SLC4A10: variants seen among roughly 807,000 people sequenced by gnomAD.
SLC4A10 encodes sodium-driven chloride bicarbonate exchanger.
A neutral mutation model predicts 137.7 loss-of-function variants in SLC4A10; 42 were observed. The ratio of observed to expected loss-of-function variants is 0.30; its 90% CI spans 0.24 to 0.39. The LOEUF (loss-of-function observed/expected upper bound fraction) is 0.39. Among genes scored for constraint, SLC4A10 ranks in the 10% least tolerant of loss-of-function variants. The probability of loss-of-function intolerance (pLI) is 1.00; values close to 1 mark genes in which losing one functional copy is unlikely to be tolerated. For missense variants in SLC4A10, 925 were observed against 1,355.0 expected (o/e 0.68, Z 4.98); for synonymous variants, 474 against 464.1 (o/e 1.02, Z -0.27).
At chr2:161,632,135 T>A (rs980077143) in intron 1 of SLC4A10, among the ~76,000 whole-genome samples, 20 of 151,756 alleles carry the variant, frequency 1.3e-4, no homozygotes, top group Admixed American at 1.3e-4. Context: ...TTCTTTCTAG[T>A]GTCTTTTTTC....
intron 26 of SLC4A10, among the ~76,000 whole-genome samples, chr2:161,982,311 C>T (rs1189720231): frequency 1.3e-5 from 2 of 152,054 alleles, no homozygotes; most frequent in Non-Finnish European, 2.9e-5. Context: ...CATTTCTGCC[C>T]TCTCTGGAAC....
chr2:161,643,613 G>A (rs904256741), intron 1 of SLC4A10, among the ~76,000 whole-genome samples: 1 of 152,008 alleles, frequency 6.6e-6, no homozygotes, highest in African/African-American at 2.4e-5. Flanking sequence ...CAGTTTAAAC[G>A]TTTATCAGGT....
intron 1 of SLC4A10, among the ~76,000 whole-genome samples, chr2:161,682,058 G>T (rs1251463944): frequency 6.6e-6 from 1 of 152,018 alleles, no homozygotes; most frequent in Non-Finnish European, 1.5e-5. Context: ...ACTTTAATAT[G>T]TAACTCATCC....
At chr2:161,807,567 C>T (rs530539922) in intron 3 of SLC4A10, among the ~76,000 whole-genome samples, 1 of 152,232 alleles carries the variant, frequency 6.6e-6, no homozygotes, top group South Asian at 2.1e-4. Flanking sequence ...TTCTTCTATC[C>T]ATAAGTTTGT....
intron 1 of SLC4A10, among the ~76,000 whole-genome samples, chr2:161,656,683 T>A (rs991631658): frequency 6.6e-6 from 1 of 152,224 alleles, no homozygotes; most frequent in Admixed American, 6.5e-5. Flanking sequence ...CGTGCCTGAG[T>A]CACCAGCTGA....
At chr2:161,878,318 A>C (rs2125952749) in intron 8 of SLC4A10, among the ~76,000 whole-genome samples, 1 of 152,286 alleles carries the variant, frequency 6.6e-6, no homozygotes, top group Middle Eastern at 3.4e-3. Flanking sequence ...ATCTTGTACA[A>C]TTTACATTAA....
intron 15 of SLC4A10, among the ~76,000 whole-genome samples, chr2:161,938,438 A>G (rs1010754473): frequency 3.9e-5 from 6 of 152,008 alleles, no homozygotes; most frequent in Non-Finnish European, 8.8e-5. Context: ...GATTCATTAC[A>G]TGCAAAATCA....
intron 15 of SLC4A10, among the ~76,000 whole-genome samples, chr2:161,924,199 T>C (rs1337393004): frequency 6.6e-6 from 1 of 152,184 alleles, no homozygotes; most frequent in African/African-American, 2.4e-5. Context: ...CTTTAACTTT[T>C]TGTAGTTTTA....
chr2:161,855,361 T>C (rs1341514271), intron 5 of SLC4A10, among the ~76,000 whole-genome samples: 1 of 152,124 alleles, frequency 6.6e-6, no homozygotes, highest in Non-Finnish European at 1.5e-5. Context: ...AACCTAGATA[T>C]CTTGATTCCC....
At chr2:161,857,885 T>C (rs952265344) in intron 5 of SLC4A10, among the ~76,000 whole-genome samples, 2 of 152,174 alleles carry the variant, frequency 1.3e-5, no homozygotes, top group African/African-American at 4.8e-5. Flanking sequence ...TAACCTATAA[T>C]CATAATATTT....
chr2:161,643,942 G>A (rs183717084), intron 1 of SLC4A10, among the ~76,000 whole-genome samples: 23 of 152,188 alleles, frequency 1.5e-4, no homozygotes, highest in East Asian at 1.2e-3. Context: ...CCAAATAAGA[G>A]GATTTAGGAT....
chr2:161,668,870 CA>C (rs772037699), intron 1 of SLC4A10, among the ~76,000 whole-genome samples: 1 of 151,866 alleles, frequency 6.6e-6, no homozygotes, highest in Admixed American at 6.6e-5. Flanking sequence ...GCTAAGGCTG[CA>C]TTTTCACCTT....
chr2:161,702,975 C>T (rs905487929), intron 1 of SLC4A10, among the ~76,000 whole-genome samples: 1 of 151,688 alleles, frequency 6.6e-6, no homozygotes, highest in Admixed American at 6.6e-5. Context: ...TTTCCTTTTC[C>T]ATTTTCATAT....
At chr2:161,734,599 T>C (rs7584481) in intron 1 of SLC4A10, among the ~76,000 whole-genome samples, 21,122 of 152,146 alleles carry the variant, frequency 0.14, 2,807 homozygotes, top group African/African-American at 0.35. Flanking sequence ...TTAAATCTAG[T>C]TTTATCTATT....
intron 8 of SLC4A10, 40 bp from the exon 9 acceptor site, chr2:161,879,091 C>A: frequency 2.5e-6 from 4 of 1,596,576 alleles, no homozygotes; most frequent in Non-Finnish European, 3.4e-6. Flanking sequence ...CCAGATTTTT[C>A]CAATTTTGAT....
At chr2:161,681,639 A>T (rs2040862753) in intron 1 of SLC4A10, among the ~76,000 whole-genome samples, 1 of 152,118 alleles carries the variant, frequency 6.6e-6, no homozygotes, top group Non-Finnish European at 1.5e-5. Context: ...ACTCAATTAA[A>T]CACCTTCTGA....
Position 161,817,659 on chromosome 2 carries a change from T to A in SLC4A10, c.277+13064T>A, listed in dbSNP as rs184967779. On this transcript the variant is annotated intron_variant, in intron 3 of 26. Transcript: ENST00000446997. ...TCCATCTTGAATTAATTTTTGTATA[T>A]GGTGTAAGGAAGGGATCCAGTTTCA... 8.7e-3 allele frequency among the ~76,000 whole-genome samples: 1,323 copies of A among 152,234 alleles called. 15 individuals are homozygous for A. Among genetic ancestry groups the A allele is most frequent in the African/African-American group, 0.03 (1,251 of 41,552 alleles).
Position 161,905,152 on chromosome 2 carries a change from T to C in SLC4A10, c.1751+243T>C, listed in dbSNP as rs1471405546. On this transcript the variant is annotated intron_variant, in intron 14 of 26. Coordinates refer to ENST00000446997, the MANE Select transcript of SLC4A10 (RefSeq NM_001178015.2). The stretch of plus-strand genomic sequence containing the variant: ...CATCGATAAATCCCTTTTGATTTTG[T>C]CCCTTTAGATGTTCCCTTTAGACCG... Among the ~76,000 whole-genome samples the C allele has an allele frequency of 5.3e-5, 8 of 152,336 alleles. No individual in the cohort carries two copies. In the East Asian group the frequency reaches 1.5e-3, roughly 29 times the overall value.
intron 1 of SLC4A10, among the ~76,000 whole-genome samples, chr2:161,656,091 C>A (rs2037490918): frequency 6.6e-6 from 1 of 152,150 alleles, no homozygotes; most frequent in South Asian, 2.1e-4. Flanking sequence ...GGATTACAGG[C>A]ATGAGCCACC....
Sources: allele counts gnomAD v4.1 joint callset (sites outside exome capture counted in the v4.1 genomes callset), GRCh38; gene constraint gnomAD v4.1.1; transcripts MANE v1.5; gene names NCBI Gene and HGNC (gene_info 2026-07-23, HGNC 2026-07-21).